Variants in ADK observed in about 807,000 individuals in gnomAD.
ADK encodes the protein N6,N6-dimethyladenosine kinase.
ADK carries 24 observed loss-of-function variants against 44.7 expected under a neutral mutation model. The ratio of observed to expected loss-of-function variants is 0.54; its 90% CI spans 0.39 to 0.76. The LOEUF (loss-of-function observed/expected upper bound fraction) is 0.76. Ranked by LOEUF, ADK falls within the 30% of genes least tolerant of loss-of-function variation. The pLI is 0.00. For missense variants in ADK, 321 were observed against 425.1 expected (o/e 0.76, Z 2.15); for synonymous variants, 128 against 142.6 (o/e 0.90, Z 0.73).
Position 74,351,886 on chromosome 10 carries a change from C to T in ADK, c.273+37141C>T, listed in dbSNP as rs576246033. ...ATGTGAAGGACCTCTTCAAGGAGAACCAGAAACCACTGCCCAAGAAAATAA... is the reference window on the plus strand; with the variant it reads ...ATGTGAAGGACCTCTTCAAGGAGAATCAGAAACCACTGCCCAAGAAAATAA... On this transcript the variant is annotated intron_variant, in intron 4 of 10. Coordinates refer to ENST00000539909, the MANE Select transcript of ADK (RefSeq NM_006721.4). 5.3e-5 allele frequency among the ~76,000 whole-genome samples: 8 copies of T among 151,962 alleles called. 2 individuals are homozygous for T. Among genetic ancestry groups the T allele is most frequent in the African/African-American group, 1.9e-4 (8 of 41,426 alleles).
chr10:74,629,862 G>A (rs747440671), intron 9 of ADK, among the ~76,000 whole-genome samples: 3 of 152,036 alleles, frequency 2.0e-5, no homozygotes, highest in Non-Finnish European at 4.4e-5. Context: ...TTAGAAATTC[G>A]AGAAAAATTA....
At chr10:74,155,509 C>T (rs1482391207) in intron 1 of ADK, among the ~76,000 whole-genome samples, 1 of 151,718 alleles carries the variant, frequency 6.6e-6, no homozygotes, top group East Asian at 1.9e-4. Flanking sequence ...TTTTCTAGAC[C>T]CTATATATAT....
chr10:74,549,775 T>A (rs1849964714), intron 7 of ADK, among the ~76,000 whole-genome samples: 2 of 152,306 alleles, frequency 1.3e-5, no homozygotes, highest in South Asian at 4.1e-4. Context: ...GTATTTCAAT[T>A]TGCTTTTATC....
intron 6 of ADK, among the ~76,000 whole-genome samples, chr10:74,474,465 TTTTC>T (rs987578594): frequency 8.9e-4 from 135 of 152,168 alleles, no homozygotes; most frequent in African/African-American, 3.1e-3. Flanking sequence ...TTTTCCTTTA[TTTTC>T]TTTCTTTCTT....
intron 9 of ADK, among the ~76,000 whole-genome samples, chr10:74,663,049 G>A (rs1380513049): frequency 2.0e-5 from 3 of 151,710 alleles, no homozygotes; most frequent in South Asian, 2.1e-4. Flanking sequence ...AAGCCTGGCC[G>A]ACATGATGAA....
intron 7 of ADK, among the ~76,000 whole-genome samples, chr10:74,583,553 T>C (rs887967745): frequency 2.0e-5 from 3 of 152,202 alleles, no homozygotes; most frequent in Admixed American, 2.0e-4. Context: ...TGACCACACT[T>C]GCTTTGAAGT....
intron 4 of ADK, among the ~76,000 whole-genome samples, chr10:74,324,242 C>G (rs901160800): frequency 6.6e-6 from 1 of 151,954 alleles, no homozygotes; most frequent in Non-Finnish European, 1.5e-5. Context: ...GTTGCACAGG[C>G]TGATGTTGAA....
chr10:74,300,384 T>C (rs914525486), intron 3 of ADK, among the ~76,000 whole-genome samples: 2 of 149,200 alleles, frequency 1.3e-5, no homozygotes, highest in Non-Finnish European at 3.0e-5. Context: ...CTTTGTCTCT[T>C]TTCTCTTTTC....
intron 9 of ADK, among the ~76,000 whole-genome samples, chr10:74,614,349 A>C (rs1852667360): frequency 6.6e-6 from 1 of 152,180 alleles, no homozygotes; most frequent in Admixed American, 6.5e-5. Context: ...GATTACATAT[A>C]GTAAAATCCA....
intron 3 of ADK, among the ~76,000 whole-genome samples, chr10:74,284,290 G>A (rs1472854573): frequency 2.0e-5 from 3 of 147,442 alleles, no homozygotes; most frequent in South Asian, 2.2e-4. Flanking sequence ...TTTTTGAGAC[G>A]GAATTTTGCT....
At chr10:74,227,586 G>A (rs917709992) in intron 3 of ADK, among the ~76,000 whole-genome samples, 3 of 152,078 alleles carry the variant, frequency 2.0e-5, no homozygotes, top group Non-Finnish European at 4.4e-5. Context: ...GCTCACGCCT[G>A]TAATCCCAGC....
intron 6 of ADK, among the ~76,000 whole-genome samples, chr10:74,413,848 C>T (rs1844272348): frequency 6.6e-6 from 1 of 152,206 alleles, no homozygotes; most frequent in Non-Finnish European, 1.5e-5. Context: ...CATGCAACTC[C>T]TCCTTTCACT....
intron 1 of ADK, among the ~76,000 whole-genome samples, chr10:74,183,443 T>C (rs1218288053): frequency 6.6e-6 from 1 of 152,020 alleles, no homozygotes; most frequent in Non-Finnish European, 1.5e-5. Context: ...TATGATGGTA[T>C]TGTGCCTGTA....
At position 74,274,732 on chromosome 10, in the gene ADK, G is replaced by GTATATATA. The variant is rs754929114; in HGVS notation, c.195-39926_195-39919dup. On this transcript the variant is annotated intron_variant, in intron 3 of 10. Coordinates refer to ENST00000539909, the MANE Select transcript of ADK (RefSeq NM_006721.4). ...TAGTAGGAGAAAAATTTTAATGTGTGTATATATATATATATACACACACAC... is the reference window on the plus strand; with the variant it reads ...TAGTAGGAGAAAAATTTTAATGTGTGTATATATATATATATATATATATACACACACAC... Among the ~76,000 whole-genome samples the GTATATATA allele has an allele frequency of 3.5e-3, 298 of 84,196 alleles. 11 individuals carry two copies. The highest frequency in any genetic ancestry group is 7.9e-3 in the Middle Eastern group (1 of 126). The allele number at this position is 84,196 out of a possible 152,430, so 55.2% of individuals were successfully genotyped here.
chr10:74,188,343 A>ATTTTTTTTTTTTT (rs765922880), intron 1 of ADK, among the ~76,000 whole-genome samples: 8 of 81,366 alleles, frequency 9.8e-5, no homozygotes, highest in Admixed American at 1.6e-4. Flanking sequence ...TGTATTTTTA[A>ATTTTTTTTTTTTT]TTTTTTTTTT....
chr10:74,652,906 A>T (rs552388621), intron 9 of ADK, among the ~76,000 whole-genome samples: 1 of 152,256 alleles, frequency 6.6e-6, no homozygotes, highest in East Asian at 1.9e-4. Flanking sequence ...TCACCATTCA[A>T]ACTACCAAGA....
intron 9 of ADK, among the ~76,000 whole-genome samples, chr10:74,614,507 A>G (rs140239943): frequency 1.8e-3 from 272 of 152,250 alleles, no homozygotes; most frequent in African/African-American, 6.3e-3. Flanking sequence ...ATCAGGAAAT[A>G]CAATACTTAT....
chr10:74,343,005 T>A (rs1396683627), intron 4 of ADK, among the ~76,000 whole-genome samples: 1 of 152,178 alleles, frequency 6.6e-6, no homozygotes, highest in Admixed American at 6.5e-5. Flanking sequence ...GACTAGTAGT[T>A]GTAATGTAAC....
At chr10:74,356,300 G>T (rs1354208883) in intron 4 of ADK, among the ~76,000 whole-genome samples, 1 of 151,322 alleles carries the variant, frequency 6.6e-6, no homozygotes, top group Admixed American at 6.6e-5. Context: ...TTACAGGCGT[G>T]AGCCACCGCG....
Sources: allele counts gnomAD v4.1 joint callset (sites outside exome capture counted in the v4.1 genomes callset), GRCh38; gene constraint gnomAD v4.1.1; transcripts MANE v1.5; gene names NCBI Gene and HGNC (gene_info 2026-07-23, HGNC 2026-07-21).